Variants in OPCML observed in about 807,000 individuals in gnomAD.
OPCML encodes opioid binding protein/cell adhesion molecule like, also known as opioid-binding protein/cell adhesion molecule.
In OPCML, 13 loss-of-function variants were observed where a neutral mutation model predicts 37.8. That is an observed-to-expected ratio of 0.34 (90% CI 0.22 to 0.55). The LOEUF (loss-of-function observed/expected upper bound fraction) is 0.55. Among genes scored for constraint, OPCML ranks in the 20% least tolerant of loss-of-function variants. The pLI is 0.91. For synonymous variants in OPCML, 176 were observed against 168.8 expected, an observed-to-expected ratio of 1.04 and a Z score of -0.33; for missense variants, 341 against 435.6, an observed-to-expected ratio of 0.78 and a Z score of 1.93.
At chr11:133,274,587 C>G (rs1443387526) in intron 1 of OPCML, among the ~76,000 whole-genome samples, 1 of 152,198 alleles carries the variant, frequency 6.6e-6, no homozygotes. Context: ...GAAACAATCA[C>G]CTCGAAGTTC....
intron 4 of OPCML, among the ~76,000 whole-genome samples, chr11:132,492,100 G>C (rs2096218006): frequency 6.6e-6 from 1 of 151,938 alleles, no homozygotes; most frequent in Non-Finnish European, 1.5e-5. Context: ...AAGGGAGCCT[G>C]AGGCTTGACA....
At chr11:133,493,737 G>A (rs932893798) in intron 1 of OPCML, among the ~76,000 whole-genome samples, 2 of 152,224 alleles carry the variant, frequency 1.3e-5, no homozygotes, top group African/African-American at 2.4e-5. Flanking sequence ...TATTTTAAGA[G>A]TTTTTTAATG....
chr11:133,235,545 G>A (rs1221308874), intron 1 of OPCML, among the ~76,000 whole-genome samples: 1 of 152,196 alleles, frequency 6.6e-6, no homozygotes, highest in Non-Finnish European at 1.5e-5. Flanking sequence ...GCTTGTGTCA[G>A]CACCAGCACC....
At chr11:132,800,722 G>A (rs1457652896) in intron 2 of OPCML, among the ~76,000 whole-genome samples, 1 of 152,108 alleles carries the variant, frequency 6.6e-6, no homozygotes, top group Non-Finnish European at 1.5e-5. Flanking sequence ...TTGATTTTAA[G>A]ACGTTTACCT....
At chr11:133,204,868 G>GTATATATATATATATATATA (rs57658806) in intron 1 of OPCML, among the ~76,000 whole-genome samples, 3 of 117,326 alleles carry the variant, frequency 2.6e-5, no homozygotes, top group Non-Finnish European at 5.2e-5. Context: ...ATATATATGT[G>GTATATATATATATATATATA]TATATATATA....
chr11:133,037,284 GT>G (rs547748138), intron 1 of OPCML, among the ~76,000 whole-genome samples: 132 of 152,290 alleles, frequency 8.7e-4, no homozygotes, highest in Admixed American at 1.6e-3. Flanking sequence ...ATACGTAAGA[GT>G]TATAAGAAAC....
intron 3 of OPCML, among the ~76,000 whole-genome samples, chr11:132,533,427 GAGAT>G (rs2096331795): frequency 2.0e-5 from 3 of 152,182 alleles, no homozygotes; most frequent in Non-Finnish European, 4.4e-5. Flanking sequence ...TAGCTAGAAA[GAGAT>G]AGATGATAGA....
At chr11:132,511,148 C>A (rs888102327) in intron 4 of OPCML, among the ~76,000 whole-genome samples, 3 of 152,048 alleles carry the variant, frequency 2.0e-5, no homozygotes, top group African/African-American at 7.2e-5. Context: ...ATAAAAAAGT[C>A]AATTGTATCT....
At chr11:132,579,110 G>A (rs933976750) in intron 3 of OPCML, among the ~76,000 whole-genome samples, 16 of 152,124 alleles carry the variant, frequency 1.1e-4, no homozygotes, top group South Asian at 2.1e-4. Context: ...CAACTGGGGG[G>A]AGGCCTATAT....
At chr11:132,480,780 G>T (rs939882709) in intron 4 of OPCML, among the ~76,000 whole-genome samples, 1 of 152,020 alleles carries the variant, frequency 6.6e-6, no homozygotes, top group African/African-American at 2.4e-5. Flanking sequence ...AGCTTCATAA[G>T]TGAAGGACAA....
At chr11:132,807,996 C>A (rs11223221) in intron 2 of OPCML, among the ~76,000 whole-genome samples, 33,799 of 152,000 alleles carry the variant, frequency 0.22, 4,762 homozygotes, top group Non-Finnish European at 0.33. Flanking sequence ...ATCTTTCTTT[C>A]TTTCAAGAGA....
At chr11:133,126,918 G>C (rs75108031) in intron 1 of OPCML, among the ~76,000 whole-genome samples, 5,003 of 152,078 alleles carry the variant, frequency 0.033, 271 homozygotes, top group African/African-American at 0.11. Flanking sequence ...GGGGCAGGTA[G>C]GGAGAGATAT....
At chr11:132,499,940 G>C (rs556632161) in intron 4 of OPCML, among the ~76,000 whole-genome samples, 2 of 152,276 alleles carry the variant, frequency 1.3e-5, no homozygotes, top group South Asian at 4.1e-4. Context: ...AAGAACCCAA[G>C]TATAGGCCTA....
intron 1 of OPCML, among the ~76,000 whole-genome samples, chr11:133,197,968 A>G (rs1938603480): frequency 6.6e-6 from 1 of 152,216 alleles, no homozygotes; most frequent in African/African-American, 2.4e-5. Flanking sequence ...CACAACCGCC[A>G]GGCCTACTCA....
At chr11:132,659,621 T>A (rs1054105566) in intron 2 of OPCML, among the ~76,000 whole-genome samples, 1 of 152,148 alleles carries the variant, frequency 6.6e-6, no homozygotes, top group Middle Eastern at 3.2e-3. Context: ...CCATAAAAAA[T>A]TGTAAGCTAC....
chr11:132,895,916 A>G (rs1943822207), intron 2 of OPCML, among the ~76,000 whole-genome samples: 2 of 152,060 alleles, frequency 1.3e-5, no homozygotes, highest in Non-Finnish European at 2.9e-5. Context: ...GTTCCAAAAG[A>G]ACTACTTCAG....
rs539896691 is a variant in OPCML at position 133,251,752 on chromosome 11, T to C, written c.61+280512A>G. Among the ~76,000 whole-genome samples the C allele has an allele frequency of 5.3e-5, 8 of 152,324 alleles. 1 individual carries two copies. In the South Asian group the frequency reaches 1.7e-3, roughly 32 times the overall value. ...CACCAGGCATTCGAAAGTGCTAAGT[T>C]CTTGGTCCTTTGAGCCTCCTCAACA... On this transcript the variant is annotated intron_variant, in intron 1 of 7. Transcript: ENST00000524381.
intron 1 of OPCML, among the ~76,000 whole-genome samples, chr11:133,383,232 G>A (rs1230845194): frequency 6.6e-6 from 1 of 152,068 alleles, no homozygotes; most frequent in Non-Finnish European, 1.5e-5. Flanking sequence ...TCAGACTCCA[G>A]AGACCCCCAT....
At chr11:132,942,042 T>C (rs1291904507) in intron 2 of OPCML, among the ~76,000 whole-genome samples, 2 of 152,146 alleles carry the variant, frequency 1.3e-5, no homozygotes, top group Non-Finnish European at 2.9e-5. Context: ...CCTGTGTACA[T>C]TGTGAGACAT....
Sources: gnomAD v4.1 joint callset for allele counts (sites outside exome capture counted in the v4.1 genomes callset) on GRCh38, gnomAD v4.1.1 for gene constraint, MANE v1.5 for transcripts, NCBI Gene and HGNC (gene_info 2026-07-23, HGNC 2026-07-21) for gene names.